Variants in SETD1A observed in about 807,000 individuals in gnomAD.
SETD1A encodes the protein histone-lysine N-methyltransferase SETD1A.
In SETD1A, 29 loss-of-function variants were observed where a neutral mutation model predicts 149.9. The ratio of observed to expected loss-of-function variants is 0.19; its 90% CI spans 0.14 to 0.26. SETD1A has a LOEUF of 0.26. SETD1A is among the 10% of genes least tolerant of loss of function. The pLI is 1.00. For synonymous variants in SETD1A, 1,141 were observed against 968.5 expected, an observed-to-expected ratio of 1.18 and a Z score of -3.31; for missense variants, 2,109 against 2,353.1, an observed-to-expected ratio of 0.90 and a Z score of 2.15.
chr16:30,966,957 TG>T lies in SETD1A; in HGVS notation c.2580del (p.Leu861CysfsTer24). On this transcript the variant is annotated frameshift_variant, in exon 9 of 19. Transcript: ENST00000262519. LOFTEE classifies it high-confidence loss of function. ...KEKTKLKEPG[L>X]LSLVDWAKSG... Reference sequence around the variant, plus strand: ...AAGACGAAGCTGAAGGAGCCTGGCCTGCTGTCCCTCGTGGACTGGGCCAAGA... The same window carrying T: ...AAGACGAAGCTGAAGGAGCCTGGCCTCTGTCCCTCGTGGACTGGGCCAAGA... 6.3e-7 allele frequency: 1 copy of T among 1,585,400 alleles called. No homozygotes were observed. The highest frequency in any genetic ancestry group is 8.6e-7 in the Non-Finnish European group (1 of 1,166,274).
In SETD1A at chr16:30,965,157, C is replaced by G. The variant is rs757406434; in HGVS notation, c.1415C>G (p.Ala472Gly). 12 of 1,613,410 alleles carry G rather than the reference C, an allele frequency of 7.4e-6. No individual in the cohort carries two copies. The highest frequency in any genetic ancestry group is 4.4e-5 in the South Asian group (4 of 91,094). Residue 472 changes from alanine (A) to glycine (G), a missense_variant, in exon 7 of 19, where the codon GCC (alanine) becomes GGC (glycine). Transcript: ENST00000262519. ...TCCCCTGCCCGCTCTGGCTCCCCAG[C>G]CCCGGAGACCACCAATGAGAGTGTG... The part of the protein sequence containing the change: ...PASPARSGSP[A>G]PETTNESVPF...
In SETD1A at chr16:30,980,213, G is replaced by A; in HGVS notation, c.4408+19G>A. The A allele has an allele frequency of 6.3e-7, 1 of 1,576,386 alleles. No individual in the cohort carries two copies. The highest frequency in any genetic ancestry group is 1.2e-5 in the South Asian group (1 of 84,880). ...CACACAAATATCCTGAGTGTGGGCGGCCTTCCCCGGGCTTGGGTCCTCCCC... is the reference window on the plus strand; with the variant it reads ...CACACAAATATCCTGAGTGTGGGCGACCTTCCCCGGGCTTGGGTCCTCCCC... On this transcript the variant is annotated intron_variant, in intron 14 of 18. Transcript: ENST00000262519. The surrounding 1 kb of genome is among the most constrained non-coding windows in gnomAD (Gnocchi z 7.7).
intron 12 of SETD1A, among the ~76,000 whole-genome samples, chr16:30,970,012 G>A (rs1270403018): frequency 6.6e-6 from 1 of 152,130 alleles, no homozygotes; most frequent in Non-Finnish European, 1.5e-5. Flanking sequence ...TTGTCGCCCA[G>A]GCTGGAGTGC....
rs750087609 is a variant in SETD1A at position 30,964,602 on chromosome 16, T to G, written c.870-10T>G. On this transcript the variant is annotated splice_polypyrimidine_tract_variant and intron_variant, in intron 6 of 18. Coordinates refer to ENST00000262519, the MANE Select transcript of SETD1A (RefSeq NM_014712.3). ...GCTGAGTCCAGCTAACTCCCCTGCTTCTTCTCCAGCACCACTTCAACCTCC... is the reference window on the plus strand; with the variant it reads ...GCTGAGTCCAGCTAACTCCCCTGCTGCTTCTCCAGCACCACTTCAACCTCC... 2 of 1,608,652 alleles carry G rather than the reference T, an allele frequency of 1.2e-6. No individual in the cohort carries two copies. The highest frequency in any genetic ancestry group is 1.7e-6 in the Non-Finnish European group (2 of 1,176,968).
chr16:30,970,450 C>T (rs186977200), intron 12 of SETD1A, among the ~76,000 whole-genome samples: 2 of 151,574 alleles, frequency 1.3e-5, no homozygotes, highest in Admixed American at 1.3e-4. Flanking sequence ...GTATTTTTAG[C>T]AGAGATGGGG....
intron 3 of SETD1A, 75 bp downstream of exon 3, chr16:30,959,261 T>TA: frequency 1.0e-6 from 1 of 966,018 alleles, no homozygotes; most frequent in Non-Finnish European, 1.7e-6. Flanking sequence ...TATAGCTGAA[T>TA]AAAAGGGTTT....
Position 30,979,161 on chromosome 16 carries a change from AC to A in SETD1A, c.3381del (p.Ser1128ValfsTer134), listed in dbSNP as rs1373270249. Reference sequence around the variant, plus strand: ...CCTTCCCAGGCCCCACGGAGGAGTCACCCCCCAGTGCGCCTCTGCGTCCCCC... The same window carrying A: ...CCTTCCCAGGCCCCACGGAGGAGTCACCCCCAGTGCGCCTCTGCGTCCCCC... ...ARPAGPTEES[P>X]PSAPLRPPEP... On this transcript the variant is annotated frameshift_variant, in exon 14 of 19. Transcript: ENST00000262519. LOFTEE classifies it high-confidence loss of function. 7 of 1,569,140 alleles carry A rather than the reference AC, an allele frequency of 4.5e-6. No individual in the cohort carries two copies. Among genetic ancestry groups the A allele is most frequent in the South Asian group, 1.2e-5 (1 of 85,444 alleles).
rs955754858 is a variant in SETD1A, at chr16:30,983,107, G to A, written c.4813-528G>A. Among the ~76,000 whole-genome samples the A allele has an allele frequency of 2.6e-5, 4 of 152,176 alleles. No homozygotes were observed. Among genetic ancestry groups the A allele is most frequent in the African/African-American group, 7.2e-5 (3 of 41,452 alleles). On this transcript the variant is annotated intron_variant, in intron 17 of 18. Transcript: ENST00000262519. The surrounding 1 kb of genome is among the most constrained non-coding windows in gnomAD (Gnocchi z 6.8). ...GCTCTGGAAGGGAGTGAGGTCACCC[G>A]AGGAGGGCGTGCAGAGGCTCCTCAC...
chr16:30,976,618 C>A (rs1466928190), intron 13 of SETD1A, among the ~76,000 whole-genome samples: 1 of 152,044 alleles, frequency 6.6e-6, no homozygotes. Flanking sequence ...GTTGAAGGTG[C>A]AGTGGGGCAG....
intron 10 of SETD1A, among the ~76,000 whole-genome samples, chr16:30,968,913 T>C (rs1450171124): frequency 6.6e-6 from 1 of 152,180 alleles, no homozygotes; most frequent in Non-Finnish European, 1.5e-5. Context: ...AATACCAGCC[T>C]GAGCAACATA....
In SETD1A at chr16:30,965,706, C is replaced by A; in HGVS notation, c.1825C>A (p.Pro609Thr). 6.3e-7 allele frequency: 1 copy of A among 1,589,754 alleles called. No homozygotes were observed. Among genetic ancestry groups the A allele is most frequent in the Non-Finnish European group, 8.6e-7 (1 of 1,167,868 alleles). Residue 609 changes from proline (P) to threonine (T), a missense_variant, in exon 8 of 19, where the codon CCT becomes ACT. This residue lies in a region of SETD1A where 431 missense variants were observed against 388.6 expected (regional missense o/e 1.11). Transcript: ENST00000262519. Reference sequence around the variant, plus strand: ...CCCTCAGCAGCCTCCGCCACCTCCCCCTCCCCCGCCGCCTCCTCCTCCCTA... The same window carrying A: ...CCCTCAGCAGCCTCCGCCACCTCCCACTCCCCCGCCGCCTCCTCCTCCCTA... ...TPPQQPPPPPPPPPPPPPYLA... is the reference protein window; with the variant it reads ...TPPQQPPPPPTPPPPPPPYLA...
rs1461932322 is a variant in SETD1A, at chr16:30,980,821, G to A, written c.4664G>A (p.Ser1555Asn). 6.2e-7 allele frequency: 1 copy of A among 1,604,202 alleles called. No individual in the cohort carries two copies. The highest frequency in any genetic ancestry group is 1.7e-5 in the Admixed American group (1 of 59,586). ...ATCGGTACCTCCGCCATCATGGACA[G>A]TGACCTGCTGAAACTCAACCAGCTC... The part of the protein sequence containing the change: ...SAIGTSAIMD[S>N]DLLKLNQLKF... Residue 1555 changes from serine (S) to asparagine (N), a missense_variant, in exon 16 of 19, where the codon AGT becomes AAT. Ser to Asn is a conservative substitution (Grantham distance 46). Transcript: ENST00000262519. This position sits in a 1 kb window ranked among gnomAD's most constrained non-coding sequence, Gnocchi z 7.7.
At chr16:30,977,698 AGGCT>A (rs1466670633) in intron 13 of SETD1A, among the ~76,000 whole-genome samples, 1 of 152,248 alleles carries the variant, frequency 6.6e-6, no homozygotes, top group Non-Finnish European at 1.5e-5. Context: ...TTGCTGCCAC[AGGCT>A]GAGACCCCAG....
chr16:30,980,628 G>A lies in SETD1A; in HGVS notation c.4552G>A (p.Ala1518Thr), dbSNP rs766305207. 60 of 1,613,500 alleles carry A rather than the reference G, an allele frequency of 3.7e-5. No homozygotes were observed. The East Asian group carries it at 5.1e-4, about 14-fold the overall frequency. ...GTACCTGGACGTGTGCCCAGTCTCG[G>A]CCCGGCAGCTGGAGGGCGTGGACAC... ...DKYLDVCPVSARQLEGVDTQG... is the reference protein window; with the variant it reads ...DKYLDVCPVSTRQLEGVDTQG... The change falls in exon 15 of 19, where the codon GCC (alanine) becomes ACC (threonine). Residue 1518 changes from alanine to threonine, a missense_variant. Physicochemically the swap from Ala to Thr is moderately conservative, Grantham distance 58. Transcript: ENST00000262519. This position sits in a 1 kb window ranked among gnomAD's most constrained non-coding sequence, Gnocchi z 7.7.
chr16:30,972,234 A>C (rs1315528110), intron 13 of SETD1A, among the ~76,000 whole-genome samples: 1 of 152,238 alleles, frequency 6.6e-6, no homozygotes, highest in Non-Finnish European at 1.5e-5. Flanking sequence ...TTGAGTGCTC[A>C]TCGCAGCCAA....
chr16:30,980,934 G>T lies in SETD1A; in HGVS notation c.4692+85G>T, dbSNP rs73526700. 388 of 1,567,716 alleles carry T rather than the reference G, an allele frequency of 2.5e-4. No homozygotes were observed. The African/African-American group carries it at 4.7e-3, about 19-fold the overall frequency. The stretch of plus-strand genomic sequence containing the variant: ...CCAGGGGACCACCCAGCAGGCTCCT[G>T]TGGTTCCCTCGGGTGGAGTTGGGGG... On this transcript the variant is annotated intron_variant, in intron 16 of 18. Coordinates refer to ENST00000262519, the MANE Select transcript of SETD1A (RefSeq NM_014712.3). The surrounding 1 kb of genome is among the most constrained non-coding windows in gnomAD (Gnocchi z 7.7).
At chr16:30,982,582 G>C (rs2056394031) in intron 17 of SETD1A, among the ~76,000 whole-genome samples, 1 of 152,144 alleles carries the variant, frequency 6.6e-6, no homozygotes, top group South Asian at 2.1e-4. Context: ...AGACCGCACG[G>C]GCTTGGGAGC....
chr16:30,963,787 T>C (rs2056090153), intron 5 of SETD1A, among the ~76,000 whole-genome samples: 1 of 152,124 alleles, frequency 6.6e-6, no homozygotes, highest in African/African-American at 2.4e-5. Flanking sequence ...GGTCAGGTGA[T>C]TGAAACCATC....
Position 30,971,476 on chromosome 16 carries a change from T to G in SETD1A, c.3115T>G (p.Ser1039Ala). ...STSDSESSSS[S>A]SSSSSSSSSS... Reference sequence around the variant, plus strand: ...ATCAGACTCCGAGAGCAGCAGCTCTTCCAGCTCCTCATCCTCCTCCTCCTC... The same window carrying G: ...ATCAGACTCCGAGAGCAGCAGCTCTGCCAGCTCCTCATCCTCCTCCTCCTC... Residue 1039 changes from serine to alanine, a missense_variant, in exon 13 of 19, where the codon TCC becomes GCC. Ser to Ala is a moderately conservative substitution (Grantham distance 99, BLOSUM62 1). Around this residue, in one of 8 missense-constraint regions of SETD1A, gnomAD observed 832 missense variants for 815.6 expected, o/e 1.02. Coordinates refer to ENST00000262519, the MANE Select transcript of SETD1A (RefSeq NM_014712.3). 1 of 1,614,054 alleles carries G rather than the reference T, an allele frequency of 6.2e-7. No individual in the cohort carries two copies. Among genetic ancestry groups the G allele is most frequent in the Non-Finnish European group, 8.5e-7 (1 of 1,179,960 alleles).
Sources: gnomAD v4.1 joint callset for allele counts (sites outside exome capture counted in the v4.1 genomes callset) on GRCh38, gnomAD v4.1.1 for gene constraint, gnomAD v4.1.1 regional missense constraint, Gnocchi (gnomAD v3.1) non-coding constraint, MANE v1.5 for transcripts, NCBI Gene and HGNC (gene_info 2026-07-23, HGNC 2026-07-21) for gene names.